Variants in PSMA1 observed in about 807,000 individuals in gnomAD.
The protein encoded by PSMA1 is proteasome 20S subunit alpha 1, also known as proteasome subunit alpha type-1.
Under a neutral mutation model 38.4 loss-of-function variants are expected in PSMA1, and 3 were observed. The observed-to-expected ratio is 0.08, with a 90% CI of 0.04 to 0.20. The LOEUF is 0.20. Ranked by LOEUF, PSMA1 falls within the 10% of genes least tolerant of loss-of-function variation. The pLI, the probability that PSMA1 is intolerant of heterozygous loss-of-function variation, is 1.00. For synonymous variants in PSMA1, 101 were observed against 107.1 expected, an observed-to-expected ratio of 0.94 and a Z score of 0.35; for missense variants, 227 against 325.3, an observed-to-expected ratio of 0.70 and a Z score of 2.32.
chr11:14,602,276 A>G (rs987002776), intron 2 of PSMA1, among the ~76,000 whole-genome samples: 11 of 152,202 alleles, frequency 7.2e-5, no homozygotes, highest in African/African-American at 1.2e-4. Flanking sequence ...TTGGCCATGA[A>G]AAGGCTGAGC....
chr11:14,553,153 T>C (rs1226649249), intron 2 of PSMA1, among the ~76,000 whole-genome samples: 1 of 152,144 alleles, frequency 6.6e-6, no homozygotes, highest in African/African-American at 2.4e-5. Context: ...ATACATTTTT[T>C]TGGAAACTTT....
intron 2 of PSMA1, among the ~76,000 whole-genome samples, chr11:14,607,532 C>T (rs558277087): frequency 6.6e-6 from 1 of 152,262 alleles, no homozygotes; most frequent in South Asian, 2.1e-4. Context: ...TTTCCCACCC[C>T]AGATGATGTC....
chr11:14,628,486 G>A (rs991755455), intron 1 of PSMA1, among the ~76,000 whole-genome samples: 1 of 150,834 alleles, frequency 6.6e-6, no homozygotes, highest in Non-Finnish European at 1.5e-5. Context: ...TCCCTACAAA[G>A]GACATGAACT....
intron 2 of PSMA1, among the ~76,000 whole-genome samples, chr11:14,584,034 C>T (rs1185856858): frequency 6.6e-6 from 1 of 152,136 alleles, no homozygotes; most frequent in Non-Finnish European, 1.5e-5. Flanking sequence ...CAAATAAGCA[C>T]GTGGCTAATG....
chr11:14,610,829 T>C, intron 2 of PSMA1: 3 of 831,528 alleles, frequency 3.6e-6, no homozygotes, highest in Non-Finnish European at 5.5e-6. Flanking sequence ...CATTTTTCTT[T>C]TTTTCTCTTT....
At chr11:14,584,596 A>G (rs1852321878) in intron 2 of PSMA1, among the ~76,000 whole-genome samples, 1 of 151,402 alleles carries the variant, frequency 6.6e-6, no homozygotes, top group Non-Finnish European at 1.5e-5. Flanking sequence ...CAAGCTCTCA[A>G]CAAGAATGAG....
upstream of PSMA1, chr11:14,520,559 G>C: frequency 8.4e-7 from 1 of 1,194,916 alleles, no homozygotes; most frequent in Non-Finnish European, 1.1e-6. Context: ...GGGAGTGCCG[G>C]CGGCTGAGAG....
intron 8 of PSMA1, 109 bp from the exon 9 acceptor site, chr11:14,507,875 A>G (rs1482018114): frequency 8.0e-6 from 6 of 747,290 alleles, no homozygotes; most frequent in Non-Finnish European, 1.3e-5. Context: ...TAGCATTTGA[A>G]TAAAACCTTA....
Position 14,508,561 on chromosome 11 carries a change from C to CAAAAAAAAAAAAAAA in PSMA1, c.625-810_625-796dup, listed in dbSNP as rs60499933. 9.2e-3 allele frequency among the ~76,000 whole-genome samples: 433 copies of CAAAAAAAAAAAAAAA among 47,066 alleles called. 83 individuals are homozygous for CAAAAAAAAAAAAAAA. Among genetic ancestry groups the CAAAAAAAAAAAAAAA allele is most frequent in the East Asian group, 0.017 (22 of 1,292 alleles). The allele number at this position is 47,066 out of a possible 152,430, so 30.9% of individuals were successfully genotyped here. A position where few individuals can be genotyped will look rare whatever the true frequency, so the allele number is the denominator to read the frequency against. ...TCCTCTTCCAGTCACCACTCCATCT[C>CAAAAAAAAAAAAAAA]AAAAAAAAAAAAAAAACCCAGATTG... is the stretch of plus-strand genomic sequence containing the variant. On this transcript the variant is annotated intron_variant, in intron 8 of 9. Coordinates refer to ENST00000396394, the MANE Select transcript of PSMA1 (RefSeq NM_002786.4).
intron 1 of PSMA1, among the ~76,000 whole-genome samples, chr11:14,642,014 A>G (rs1590020719): frequency 1.3e-5 from 2 of 152,344 alleles, no homozygotes; most frequent in East Asian, 3.8e-4. Flanking sequence ...AAAACTCACA[A>G]AACTGGATTT....
At chr11:14,625,221 G>A (rs1007433922) in intron 1 of PSMA1, among the ~76,000 whole-genome samples, 2 of 152,180 alleles carry the variant, frequency 1.3e-5, no homozygotes, top group Non-Finnish European at 2.9e-5. Context: ...GGCCAAGGCA[G>A]GCAGATCACC....
chr11:14,511,003 TTC>T, intron 7 of PSMA1, 52 bp from the exon 8 acceptor site: 1 of 1,254,970 alleles, frequency 8.0e-7, no homozygotes, highest in Non-Finnish European at 1.1e-6. Flanking sequence ...TATGCTAGGC[TTC>T]TGTTATTTAT....
intron 2 of PSMA1, among the ~76,000 whole-genome samples, chr11:14,576,017 T>C (rs1456840314): frequency 6.6e-6 from 1 of 152,260 alleles, no homozygotes; most frequent in African/African-American, 2.4e-5. Flanking sequence ...CCAGTGATGA[T>C]GAGCATTTTT....
intron 2 of PSMA1, among the ~76,000 whole-genome samples, chr11:14,529,380 GAATAA>G (rs1851621813): frequency 6.6e-6 from 1 of 152,092 alleles, no homozygotes; most frequent in South Asian, 2.1e-4. Flanking sequence ...CATGCTCATT[GAATAA>G]AATAAGATAC....
At chr11:14,552,815 T>C (rs1022479194) in intron 2 of PSMA1, among the ~76,000 whole-genome samples, 104 of 147,646 alleles carry the variant, frequency 7.0e-4, no homozygotes, top group African/African-American at 2.4e-3. Flanking sequence ...ATAGAGCTTA[T>C]ATAACTTTTT....
chr11:14,630,951 G>A (rs866148509), intron 1 of PSMA1, among the ~76,000 whole-genome samples: 13 of 152,232 alleles, frequency 8.5e-5, no homozygotes, highest in East Asian at 1.9e-4. Context: ...GTTTATTTGC[G>A]TAGAGGTGTT....
In PSMA1 at chr11:14,633,959, C is replaced by T. The variant is rs527390728; in HGVS notation, c.-166+9496G>A. ...AGAAAGGGAACTCCCTGACCCCTTG[C>T]GCTTCCCAAGTGAGGCAATGCCTCG... On this transcript the variant is annotated intron_variant, in intron 1 of 10. Coordinates refer to the PSMA1 transcript ENST00000418988. 1.1e-4 allele frequency among the ~76,000 whole-genome samples: 16 copies of T among 152,300 alleles called. No individual in the cohort carries two copies. The South Asian group carries it at 1.5e-3, about 14-fold the overall frequency.
chr11:14,562,294 G>A (rs922618177), intron 2 of PSMA1, among the ~76,000 whole-genome samples: 1 of 152,216 alleles, frequency 6.6e-6, no homozygotes, highest in East Asian at 1.9e-4. Flanking sequence ...GTCATTAGAT[G>A]AATTGAGAAA....
At chr11:14,629,311 T>G (rs1015981189) in intron 1 of PSMA1, among the ~76,000 whole-genome samples, 2 of 152,194 alleles carry the variant, frequency 1.3e-5, no homozygotes, top group Non-Finnish European at 2.9e-5. Flanking sequence ...GTCTAACGTT[T>G]AAGTCTTTAA....
Sources: gnomAD v4.1 joint callset for allele counts (sites outside exome capture counted in the v4.1 genomes callset) on GRCh38, gnomAD v4.1.1 for gene constraint, MANE v1.5 for transcripts, NCBI Gene and HGNC (gene_info 2026-07-23, HGNC 2026-07-21) for gene names.